The following EYS variants were observed in gnomAD, a reference collection of about 807,000 sequenced individuals.
EYS encodes the protein protein eyes shut homolog.
Under a neutral mutation model 282.1 loss-of-function variants are expected in EYS, and 250 were observed. The ratio of observed to expected loss-of-function variants is 0.89; its 90% CI spans 0.80 to 0.98. EYS has a LOEUF of 0.98. EYS is among the 50% of genes least tolerant of loss of function. EYS has a pLI of 0.00. For synonymous variants in EYS, 1,355 were observed against 1,282.9 expected, an observed-to-expected ratio of 1.06 and a Z score of -1.20; for missense variants, 4,016 against 3,709.0, an observed-to-expected ratio of 1.08 and a Z score of -2.15.
intron 28 of EYS, among the ~76,000 whole-genome samples, chr6:64,410,391 C>T (rs1175328955): frequency 2.6e-5 from 4 of 152,042 alleles, no homozygotes; most frequent in Middle Eastern, 3.2e-3. Flanking sequence ...GAAAATGAGT[C>T]GCATTGCTAT....
At chr6:64,373,438 G>A (rs774012192) in intron 29 of EYS, among the ~76,000 whole-genome samples, 1 of 152,284 alleles carries the variant, frequency 6.6e-6, no homozygotes, top group South Asian at 2.1e-4. Flanking sequence ...TGTCAGGTTG[G>A]CCCTAAACTG....
intron 22 of EYS, among the ~76,000 whole-genome samples, chr6:64,647,102 A>G (rs1169280742): frequency 6.6e-6 from 1 of 152,178 alleles, no homozygotes; most frequent in Non-Finnish European, 1.5e-5. Flanking sequence ...TCAAGAAGTA[A>G]TATTTACATA....
At chr6:64,508,551 T>TTTATTATTATTATTATTA (rs34222008) in intron 26 of EYS, among the ~76,000 whole-genome samples, 3 of 142,506 alleles carry the variant, frequency 2.1e-5, no homozygotes, top group Non-Finnish European at 4.6e-5. Context: ...TTTCTAAGTA[T>TTTATTATTATTATTATTA]TTATTATTAT....
intron 12 of EYS, among the ~76,000 whole-genome samples, chr6:65,200,411 C>G (rs915262527): frequency 1.3e-5 from 2 of 151,442 alleles, no homozygotes; most frequent in African/African-American, 4.9e-5. Context: ...TTGCTGGACT[C>G]CATGAAGTCC....
At chr6:63,986,050 A>AAAGG (rs1767347379) in intron 34 of EYS, among the ~76,000 whole-genome samples, 2 of 151,882 alleles carry the variant, frequency 1.3e-5, no homozygotes, top group Non-Finnish European at 1.5e-5. Flanking sequence ...AATATCTAGC[A>AAAGG]TCTATAAGGA....
chr6:65,227,763 T>A (rs1042060005), intron 12 of EYS, among the ~76,000 whole-genome samples: 1 of 152,200 alleles, frequency 6.6e-6, no homozygotes, highest in Middle Eastern at 3.4e-3. Context: ...TTATGATACA[T>A]GATACAGCAT....
At position 65,147,408 on chromosome 6, in the gene EYS, A is replaced by G. The variant is rs1358897965; in HGVS notation, c.2024-89681T>C. ...TATAAGAGGGATATTAGAATTTTCG[A>G]TGAAAATGTTGCTTATCAAGTTAGC... is the stretch of plus-strand genomic sequence containing the variant. On this transcript the variant is annotated intron_variant, in intron 12 of 42. Transcript: ENST00000503581. Among the ~76,000 whole-genome samples, 4 of 152,062 alleles carry G rather than the reference A, an allele frequency of 2.6e-5. 1 individual carries two copies. The highest frequency in any genetic ancestry group is 5.9e-5 in the Non-Finnish European group (4 of 67,950).
In EYS at chr6:65,295,898, C is replaced by T; in HGVS notation, c.1988G>A (p.Gly663Glu). 4 of 1,549,444 alleles carry T rather than the reference C, an allele frequency of 2.6e-6. No homozygotes were observed. Among genetic ancestry groups the T allele is most frequent in the Non-Finnish European group, 3.5e-6 (4 of 1,145,950 alleles). The change falls in exon 12 of 43, where the codon GGA (glycine) becomes GAA (glutamate). Residue 663 changes from glycine (G) to glutamate (E), a missense_variant. By Grantham distance (98) the Gly-to-Glu change is moderately conservative. Transcript: ENST00000503581. ...TGGGACACACTTGCGGAAGAAATAT[C>T]CCCTTAAATGTGTACTAGTTGTTCC... is the stretch of plus-strand genomic sequence containing the variant. ...KNGTTSTHLR[G>E]YFFRKCVPGF...
intron 12 of EYS, among the ~76,000 whole-genome samples, chr6:65,261,274 T>C (rs915065335): frequency 1.4e-4 from 22 of 151,904 alleles, no homozygotes; most frequent in Non-Finnish European, 4.4e-5. Flanking sequence ...TTTATACATA[T>C]ATATTTACAT....
intron 1 of EYS, among the ~76,000 whole-genome samples, chr6:65,685,858 A>G (rs187656652): frequency 2.8e-3 from 420 of 152,182 alleles, no homozygotes; most frequent in Non-Finnish European, 5.1e-3. Context: ...AATGCCTTCA[A>G]TCCTCAAATT....
intron 2 of EYS, among the ~76,000 whole-genome samples, chr6:65,522,167 C>A (rs1767398827): frequency 1.3e-5 from 2 of 152,152 alleles, no homozygotes; most frequent in South Asian, 4.1e-4. Flanking sequence ...AGATTTCATT[C>A]TACTTGAATT....
chr6:64,262,076 A>G (rs1413665792), intron 30 of EYS, among the ~76,000 whole-genome samples: 2 of 152,178 alleles, frequency 1.3e-5, no homozygotes, highest in East Asian at 1.9e-4. Context: ...GATTACTTGT[A>G]TAAGTCCCAT....
At chr6:64,020,074 A>G (rs148020024) in intron 33 of EYS, among the ~76,000 whole-genome samples, 1 of 151,880 alleles carries the variant, frequency 6.6e-6, no homozygotes, top group Non-Finnish European at 1.5e-5. Flanking sequence ...AAACATCTAA[A>G]CTCTAGTATC....
At chr6:64,853,639 C>T (rs115646375) in intron 19 of EYS, among the ~76,000 whole-genome samples, 2,603 of 152,118 alleles carry the variant, frequency 0.017, 72 homozygotes, top group African/African-American at 0.059. Flanking sequence ...ATTGGTAACG[C>T]CGTTGTTAAT....
chr6:65,427,960 A>G (rs892978293), intron 5 of EYS, among the ~76,000 whole-genome samples: 2 of 151,786 alleles, frequency 1.3e-5, no homozygotes, highest in Non-Finnish European at 1.5e-5. Flanking sequence ...ATGAAAGTAC[A>G]AATAAAGAAA....
rs920213662 is a variant in EYS, at chr6:65,270,462, G to A, written c.2023+25401C>T. Among the ~76,000 whole-genome samples, 9 of 152,244 alleles carry A rather than the reference G, an allele frequency of 5.9e-5. No homozygotes were observed. In the Middle Eastern group the frequency reaches 0.01, roughly 173 times the overall value. Reference sequence around the variant, plus strand: ...GTGAAGGCCATTTGTACTGTTGAAAGCAACGTGAAGTCCCCAACACCAACA... The same window carrying A: ...GTGAAGGCCATTTGTACTGTTGAAAACAACGTGAAGTCCCCAACACCAACA... On this transcript the variant is annotated intron_variant, in intron 12 of 42. Transcript: ENST00000503581.
intron 19 of EYS, among the ~76,000 whole-genome samples, chr6:64,835,120 T>G (rs1234246389): frequency 6.6e-6 from 1 of 151,774 alleles, no homozygotes; most frequent in East Asian, 1.9e-4. Context: ...ATAACATAGT[T>G]TAATTCCCCT....
intron 5 of EYS, among the ~76,000 whole-genome samples, chr6:65,407,744 CGTGTGTGTGTGTGTGTGTGTGT>C (rs71002305): frequency 4.9e-5 from 7 of 144,124 alleles, no homozygotes; most frequent in Non-Finnish European, 6.1e-5. Context: ...CTAATAAGTC[CGTGTGTGTGTGTGTGTGTGTGT>C]GTGTGTGTGT....
chr6:64,618,894 A>G (rs1413062372), intron 23 of EYS, among the ~76,000 whole-genome samples: 4 of 152,206 alleles, frequency 2.6e-5, no homozygotes, highest in African/African-American at 7.2e-5. Context: ...TCTCACAAAC[A>G]TAGTTGAGTC....
Sources: gnomAD v4.1 joint callset for allele counts (sites outside exome capture counted in the v4.1 genomes callset) on GRCh38, gnomAD v4.1.1 for gene constraint, MANE v1.5 for transcripts, NCBI Gene and HGNC (gene_info 2026-07-23, HGNC 2026-07-21) for gene names.